PDE1A: variants seen among roughly 807,000 people sequenced by gnomAD.
PDE1A encodes the protein phosphodiesterase 1A.
PDE1A carries 35 observed loss-of-function variants against 61.7 expected under a neutral mutation model. The ratio of observed to expected loss-of-function variants is 0.57; its 90% CI spans 0.43 to 0.75. PDE1A has a LOEUF of 0.75. PDE1A is among the 30% of genes least tolerant of loss of function. PDE1A has a pLI of 0.00. For missense variants in PDE1A, 597 were observed against 630.6 expected (o/e 0.95, Z 0.57); for synonymous variants, 232 against 213.2 (o/e 1.09, Z -0.77).
intron 2 of PDE1A, among the ~76,000 whole-genome samples, chr2:182,244,602 G>T (rs903234314): frequency 8.6e-5 from 13 of 151,828 alleles, no homozygotes; most frequent in Non-Finnish European, 1.8e-4. Flanking sequence ...CAGAATTGAT[G>T]ATTTCATTAA....
At chr2:182,714,186 T>A in the PDE1A span, among the ~76,000 whole-genome samples, 1 of 152,316 alleles carries the variant, frequency 6.6e-6, no homozygotes, top group Admixed American at 6.5e-5. Flanking sequence ...GCTGGAGCCA[T>A]AACAGTAAAT....
At chr2:182,517,086 A>AC (rs1243394169) in intron 2 of PDE1A, among the ~76,000 whole-genome samples, 1 of 152,074 alleles carries the variant, frequency 6.6e-6, no homozygotes, top group African/African-American at 2.4e-5. Context: ...TTTAAGGAGA[A>AC]CCATTGTAGA....
At chr2:182,197,358 AT>A (rs1250064998) in intron 10 of PDE1A, among the ~76,000 whole-genome samples, 1 of 140,956 alleles carries the variant, frequency 7.1e-6, no homozygotes, top group Non-Finnish European at 1.6e-5. Flanking sequence ...TATGGTTTGC[AT>A]TTTCTTAGTA....
the PDE1A span, among the ~76,000 whole-genome samples, chr2:182,585,014 A>C: frequency 2.4e-4 from 37 of 152,238 alleles, no homozygotes; most frequent in Admixed American, 2.4e-3. Flanking sequence ...CAACTTCTTG[A>C]TTTTTTGAAA....
intron 2 of PDE1A, among the ~76,000 whole-genome samples, chr2:182,447,436 A>G (rs1685218030): frequency 2.0e-5 from 3 of 152,166 alleles, no homozygotes; most frequent in South Asian, 4.1e-4. Flanking sequence ...AGCTCAGTTC[A>G]TGAGGAGCCC....
At chr2:182,156,668 G>A (rs1406202985) in intron 13 of PDE1A, among the ~76,000 whole-genome samples, 1 of 152,136 alleles carries the variant, frequency 6.6e-6, no homozygotes, top group East Asian at 1.9e-4. Flanking sequence ...AGAAGTGTGA[G>A]CAGCATTTGT....
chr2:182,328,736 C>T (rs1013641507), intron 1 of PDE1A, among the ~76,000 whole-genome samples: 51 of 152,182 alleles, frequency 3.4e-4, no homozygotes, highest in African/African-American at 1.2e-3. Context: ...AACTGAAAGG[C>T]CAGAGTTCCA....
chr2:182,553,037 T>C, the PDE1A span, among the ~76,000 whole-genome samples: 4 of 152,330 alleles, frequency 2.6e-5, no homozygotes, highest in Non-Finnish European at 5.9e-5. Flanking sequence ...AGGCTTGCCA[T>C]TGTTCCTGCA....
At chr2:182,630,132 T>C in the PDE1A span, among the ~76,000 whole-genome samples, 27 of 152,176 alleles carry the variant, frequency 1.8e-4, no homozygotes, top group Non-Finnish European at 3.7e-4. Context: ...TCAAACATTT[T>C]TTTTCCAAAT....
the PDE1A span, among the ~76,000 whole-genome samples, chr2:182,680,938 A>T: frequency 6.6e-6 from 1 of 152,208 alleles, no homozygotes; most frequent in Non-Finnish European, 1.5e-5. Context: ...TAATGAGATT[A>T]TTCAGAAATT....
chr2:182,198,817 G>C (rs1164999995), intron 10 of PDE1A, among the ~76,000 whole-genome samples: 1 of 151,844 alleles, frequency 6.6e-6, no homozygotes, highest in East Asian at 1.9e-4. Context: ...GTAATGTCGA[G>C]AATTATGCTG....
chr2:182,465,708 TTTAG>T (rs1389243410), intron 2 of PDE1A, among the ~76,000 whole-genome samples: 16 of 152,204 alleles, frequency 1.1e-4, no homozygotes, highest in African/African-American at 2.9e-4. Flanking sequence ...GTCTGCTGAA[TTTAG>T]TTATCCACAG....
At chr2:182,141,093 T>C (rs576932674) in exon 15 of PDE1A, 9 of 152,260 alleles carry the variant, frequency 5.9e-5, no homozygotes, top group African/African-American at 1.7e-4. Flanking sequence ...TAAGGTCTTA[T>C]AGATCTTAAA....
At chr2:182,190,256 G>A (rs1685578264) in intron 10 of PDE1A, among the ~76,000 whole-genome samples, 1 of 152,176 alleles carries the variant, frequency 6.6e-6, no homozygotes, top group Admixed American at 6.5e-5. Context: ...ATTTCACTAT[G>A]TCATAACTCA....
intron 13 of PDE1A, among the ~76,000 whole-genome samples, chr2:182,170,640 T>C (rs1174136554): frequency 1.3e-5 from 2 of 152,066 alleles, no homozygotes; most frequent in Non-Finnish European, 2.9e-5. Context: ...TGCTGGAGAC[T>C]TACTTCGCTG....
At chr2:182,711,532 A>T in the PDE1A span, among the ~76,000 whole-genome samples, 12 of 151,880 alleles carry the variant, frequency 7.9e-5, no homozygotes, top group Non-Finnish European at 1.2e-4. Flanking sequence ...GTCCACCGAG[A>T]AGACCTGGAA....
In PDE1A at chr2:182,230,123, G is replaced by T. The variant is rs1689458748; in HGVS notation, c.558C>A (p.Thr186=). 1.9e-6 allele frequency: 3 copies of T among 1,612,236 alleles called. No individual in the cohort carries two copies. In the Admixed American group the frequency reaches 5.0e-5, roughly 27 times the overall value. Reference sequence around the variant, plus strand: ...AACCAACTTCTAAAGCTTCTGCAAAGGTGATTAGGCAAGAAACAGGAATCT... The same window carrying T: ...AACCAACTTCTAAAGCTTCTGCAAATGTGATTAGGCAAGAAACAGGAATCT... The change falls in exon 6 of 14, where the codon ACC becomes ACA. Residue 186 remains threonine (T), a synonymous_variant. Coordinates refer to ENST00000351439, the Ensembl canonical transcript of PDE1A.
At chr2:182,630,388 C>T in the PDE1A span, among the ~76,000 whole-genome samples, 1 of 151,984 alleles carries the variant, frequency 6.6e-6, no homozygotes, top group Admixed American at 6.6e-5. Flanking sequence ...GTTAAAATAC[C>T]ACCTTGGCTG....
the PDE1A span, among the ~76,000 whole-genome samples, chr2:182,692,041 T>C: frequency 6.6e-6 from 1 of 152,150 alleles, no homozygotes; most frequent in East Asian, 1.9e-4. Context: ...CTGGAGAGGA[T>C]GTGGAGATAT....
Sources: gnomAD v4.1 joint callset for allele counts (sites outside exome capture counted in the v4.1 genomes callset) on GRCh38, gnomAD v4.1.1 for gene constraint, MANE v1.5 for transcripts, NCBI Gene and HGNC (gene_info 2026-07-23, HGNC 2026-07-21) for gene names.